The following CRYZL1 variants were observed in gnomAD, a reference collection of about 807,000 sequenced individuals.
The protein encoded by CRYZL1 is ferry endosomal RAB5 effector complex subunit 4.
CRYZL1 carries 34 observed loss-of-function variants against 50.6 expected under a neutral mutation model. The ratio of observed to expected loss-of-function variants is 0.67; its 90% CI spans 0.51 to 0.89. CRYZL1 has a LOEUF of 0.89. Ranked by LOEUF, CRYZL1 falls within the 40% of genes least tolerant of loss-of-function variation. CRYZL1 has a pLI of 0.00. For missense variants in CRYZL1, 354 were observed against 402.3 expected (o/e 0.88, Z 1.03); for synonymous variants, 125 against 134.3 (o/e 0.93, Z 0.48).
intron 12 of CRYZL1, among the ~76,000 whole-genome samples, chr21:33,590,410 C>T (rs1329314316): frequency 6.6e-6 from 1 of 151,606 alleles, no homozygotes; most frequent in Non-Finnish European, 1.5e-5. Context: ...AAATTATCTA[C>T]TTTATTTACT....
At chr21:33,636,930 C>T (rs970848692) in intron 1 of CRYZL1, among the ~76,000 whole-genome samples, 1 of 152,160 alleles carries the variant, frequency 6.6e-6, no homozygotes. Flanking sequence ...TTTCAGCTTC[C>T]CGAGTAGCTG....
chr21:33,632,709 C>T (rs1054137039), intron 1 of CRYZL1, among the ~76,000 whole-genome samples: 46 of 152,236 alleles, frequency 3.0e-4, no homozygotes, highest in South Asian at 6.2e-4. Context: ...TCTAAAGATT[C>T]CACAATTGTT....
intron 1 of CRYZL1, among the ~76,000 whole-genome samples, chr21:33,632,082 G>A (rs2087144234): frequency 6.6e-6 from 1 of 151,548 alleles, no homozygotes; most frequent in Admixed American, 6.6e-5. Flanking sequence ...CAGCACTTTG[G>A]GAGGCCAAGG....
intron 1 of CRYZL1, among the ~76,000 whole-genome samples, chr21:33,637,748 A>G (rs2087225988): frequency 7.3e-6 from 1 of 136,178 alleles, no homozygotes. Context: ...AAACAGCTAC[A>G]CAAGAGAAAA....
chr21:33,640,946 G>A (rs188904173), intron 1 of CRYZL1, among the ~76,000 whole-genome samples: 121 of 152,190 alleles, frequency 8.0e-4, no homozygotes, highest in Non-Finnish European at 4.0e-4. Flanking sequence ...TAATGTCTCA[G>A]ATATACTAGG....
chr21:33,616,076 C>G (rs899313523), intron 5 of CRYZL1, among the ~76,000 whole-genome samples: 6 of 148,094 alleles, frequency 4.1e-5, no homozygotes, highest in East Asian at 2.0e-4. Flanking sequence ...TGCTATCCCT[C>G]CCCCCCCCAA....
rs1319544340 is a variant in CRYZL1, at chr21:33,606,136, G to A, written c.332-2599C>T. ...CTATTCTCCCAATTTTACGGATGAT[G>A]AAATAGGGTTCAGGGTAATTGATTA... On this transcript the variant is annotated intron_variant, in intron 6 of 12. Coordinates refer to ENST00000381554, the MANE Select transcript of CRYZL1 (RefSeq NM_145858.3). 5.3e-5 allele frequency among the ~76,000 whole-genome samples: 8 copies of A among 152,202 alleles called. No individual in the cohort carries two copies. In the South Asian group the frequency reaches 8.3e-4, roughly 16 times the overall value.
Position 33,602,633 on chromosome 21 carries a change from G to A in CRYZL1, c.466-288C>T, listed in dbSNP as rs371292929. Among the ~76,000 whole-genome samples, 52 of 152,252 alleles carry A rather than the reference G, an allele frequency of 3.4e-4. 1 individual carries two copies. The East Asian group carries it at 7.1e-3, about 21-fold the overall frequency. On this transcript the variant is annotated intron_variant, in intron 7 of 12. Coordinates refer to ENST00000381554, the MANE Select transcript of CRYZL1 (RefSeq NM_145858.3). ...GATGGAGGGCCACATTCAGACACAT[G>A]GCCTTGCAAAGAGAAAACTGGGCCT...
At chr21:33,635,566 G>A (rs1368252186) in intron 1 of CRYZL1, among the ~76,000 whole-genome samples, 2 of 151,628 alleles carry the variant, frequency 1.3e-5, no homozygotes, top group Non-Finnish European at 2.9e-5. Flanking sequence ...GTGTTAGCTA[G>A]GATGGTCTTG....
At chr21:33,630,067 T>A (rs2087119483) in intron 2 of CRYZL1, among the ~76,000 whole-genome samples, 1 of 152,156 alleles carries the variant, frequency 6.6e-6, no homozygotes. Context: ...TATCCTTGCA[T>A]CCCTGGGATG....
chr21:33,637,952 A>C (rs1353491260), intron 1 of CRYZL1, among the ~76,000 whole-genome samples: 1 of 150,932 alleles, frequency 6.6e-6, no homozygotes, highest in Non-Finnish European at 1.5e-5. Flanking sequence ...TAGCATTATA[A>C]TACTAGCTGG....
intron 11 of CRYZL1, chr21:33,595,449 C>T (rs1184348559): frequency 2.2e-6 from 3 of 1,371,498 alleles, no homozygotes; most frequent in Non-Finnish European, 2.9e-6. Context: ...AGGAGAGAGA[C>T]TGCCTGAGTG....
chr21:33,598,409 G>A (rs927260470), intron 9 of CRYZL1, among the ~76,000 whole-genome samples: 5 of 152,144 alleles, frequency 3.3e-5, no homozygotes, highest in African/African-American at 1.2e-4. Flanking sequence ...ATAAATAGAA[G>A]CACTTTGCAG....
intron 1 of CRYZL1, among the ~76,000 whole-genome samples, chr21:33,635,633 C>T (rs1219970856): frequency 6.6e-6 from 1 of 150,728 alleles, no homozygotes; most frequent in Non-Finnish European, 1.5e-5. Flanking sequence ...GGATTATAGG[C>T]GTGAGCCACC....
intron 6 of CRYZL1, among the ~76,000 whole-genome samples, chr21:33,607,510 T>C (rs762647433): frequency 2.0e-5 from 3 of 152,116 alleles, no homozygotes; most frequent in Non-Finnish European, 4.4e-5. Context: ...TGCATGCCTA[T>C]TGTCCCAGCT....
chr21:33,610,227 A>T (rs2086857317), intron 6 of CRYZL1, among the ~76,000 whole-genome samples: 2 of 151,778 alleles, frequency 1.3e-5, no homozygotes, highest in African/African-American at 4.8e-5. Flanking sequence ...GTACAGTGGC[A>T]CAATTTTGGC....
intron 1 of CRYZL1, among the ~76,000 whole-genome samples, chr21:33,636,881 A>C (rs1012825012): frequency 1.3e-5 from 2 of 152,098 alleles, no homozygotes; most frequent in African/African-American, 4.8e-5. Context: ...ATGTCGGCTC[A>C]CTGCAAGCTC....
At chr21:33,610,727 G>GTTTT (rs747790692) in intron 6 of CRYZL1, among the ~76,000 whole-genome samples, 1,539 of 101,140 alleles carry the variant, frequency 0.015, 13 homozygotes, top group Non-Finnish European at 0.021. Flanking sequence ...TTGTTTGGTT[G>GTTTT]TTTTTTTTTT....
intron 11 of CRYZL1, among the ~76,000 whole-genome samples, chr21:33,594,114 T>C (rs1419148333): frequency 3.3e-5 from 5 of 151,896 alleles, no homozygotes; most frequent in Admixed American, 6.6e-5. Flanking sequence ...CATCATTCCA[T>C]GTTATTCTTA....
Sources: gnomAD v4.1 joint callset for allele counts (sites outside exome capture counted in the v4.1 genomes callset) on GRCh38, gnomAD v4.1.1 for gene constraint, MANE v1.5 for transcripts, NCBI Gene and HGNC (gene_info 2026-07-23, HGNC 2026-07-21) for gene names.